NEK3: variants seen among roughly 807,000 people sequenced by gnomAD.
The protein encoded by NEK3 is NIMA related kinase 3.
In NEK3, 54 loss-of-function variants were observed where a neutral mutation model predicts 66.0. That is an observed-to-expected ratio of 0.82 (90% CI 0.66 to 1.03). The LOEUF (loss-of-function observed/expected upper bound fraction) is 1.03. Among genes scored for constraint, NEK3 ranks in the 50% least tolerant of loss-of-function variants. The pLI is 0.00. For synonymous variants in NEK3, 200 were observed against 206.2 expected (o/e 0.97, Z 0.26); for missense variants, 593 against 603.0 (o/e 0.98, Z 0.17).
intron 7 of NEK3, among the ~76,000 whole-genome samples, chr13:52,150,077 G>A (rs1956330199): frequency 6.6e-6 from 1 of 152,136 alleles, no homozygotes; most frequent in Non-Finnish European, 1.5e-5. Flanking sequence ...CTGTAGAGCT[G>A]TTTTGTCCCC....
intron 8 of NEK3, among the ~76,000 whole-genome samples, chr13:52,146,330 C>T (rs1956295581): frequency 6.7e-6 from 1 of 148,424 alleles, no homozygotes; most frequent in African/African-American, 2.4e-5. Context: ...CAACACATAA[C>T]AAAGGACAGA....
intron 2 of NEK3, 100 bp from the exon 3 acceptor site, chr13:52,154,273 G>T: frequency 2.8e-6 from 2 of 703,506 alleles, no homozygotes; most frequent in South Asian, 2.4e-5. Flanking sequence ...GCTAGATGCA[G>T]TTTTATAACA....
chr13:52,148,455 A>G lies in NEK3; in HGVS notation c.563T>C (p.Leu188Ser). The G allele has an allele frequency of 6.2e-7, 1 of 1,613,740 alleles. No individual in the cohort carries two copies. Among genetic ancestry groups the G allele is most frequent in the Non-Finnish European group, 8.5e-7 (1 of 1,179,746 alleles). Residue 188 changes from leucine (L) to serine (S), a missense_variant, in exon 8 of 16, where the codon TTG (leucine) becomes TCG (serine). By Grantham distance (145) the Leu-to-Ser change is moderately radical. Transcript: ENST00000610828. Reference sequence around the variant, plus strand: ...ACAGAGTTCATACAGGATGCAACCCAAGGACCAGATGTCACTGAAAGCATA... The same window carrying G: ...ACAGAGTTCATACAGGATGCAACCCGAGGACCAGATGTCACTGAAAGCATA... ...PYNNKSDIWS[L>S]GCILYELCTL... is the part of the protein sequence containing the mutation.
At chr13:52,144,278 T>C (rs1369634651) in intron 9 of NEK3, among the ~76,000 whole-genome samples, 4 of 152,082 alleles carry the variant, frequency 2.6e-5, no homozygotes, top group Non-Finnish European at 4.4e-5. Flanking sequence ...TAGCTGGACG[T>C]GGTGGCGTGT....
intron 9 of NEK3, among the ~76,000 whole-genome samples, chr13:52,144,458 A>G (rs1368961250): frequency 1.3e-5 from 2 of 152,226 alleles, no homozygotes; most frequent in Non-Finnish European, 2.9e-5. Context: ...AAATGCAGAC[A>G]TTTATATATG....
intron 8 of NEK3, 42 bp downstream of exon 8, chr13:52,148,373 G>T (rs1219814986): frequency 1.9e-6 from 3 of 1,581,854 alleles, no homozygotes; most frequent in Non-Finnish European, 2.6e-6. Context: ...GGCTCAGCTA[G>T]ATATGACAAG....
intron 8 of NEK3, among the ~76,000 whole-genome samples, chr13:52,145,884 A>G (rs566688310): frequency 2.6e-5 from 4 of 152,346 alleles, no homozygotes; most frequent in East Asian, 1.9e-4. Context: ...GCAAATCACC[A>G]TGGCACCCAT....
At chr13:52,134,483 C>T (rs1956185722) in intron 14 of NEK3, among the ~76,000 whole-genome samples, 1 of 152,016 alleles carries the variant, frequency 6.6e-6, no homozygotes, top group African/African-American at 2.4e-5. Flanking sequence ...CAAGTTTTCA[C>T]AATGGGGAGG....
At chr13:52,157,308 A>T (rs886575512) in intron 1 of NEK3, 2 of 152,204 alleles carry the variant, frequency 1.3e-5, no homozygotes, top group Non-Finnish European at 2.9e-5. Flanking sequence ...AATGAAATGG[A>T]ATAGAGTGGA....
intron 13 of NEK3, 88 bp from the exon 14 acceptor site, chr13:52,135,951 T>G: frequency 1.3e-6 from 2 of 1,527,410 alleles, no homozygotes; most frequent in Admixed American, 1.9e-5. Flanking sequence ...GCGAAGTTAG[T>G]TATATTTGAC....
rs529720216 is a variant in NEK3 at position 52,143,443 on chromosome 13, C to T, written c.877+472G>A. Among the ~76,000 whole-genome samples the T allele has an allele frequency of 2.0e-5, 3 of 152,208 alleles. No individual in the cohort carries two copies. In the South Asian group the frequency reaches 6.2e-4, roughly 32 times the overall value. Reference sequence around the variant, plus strand: ...TACTAACATGCCACACCATTACAGTCGATAAACCTACTCCGACGCATCACT... The same window carrying T: ...TACTAACATGCCACACCATTACAGTTGATAAACCTACTCCGACGCATCACT... On this transcript the variant is annotated intron_variant, in intron 10 of 15. Coordinates refer to ENST00000610828, the MANE Select transcript of NEK3 (RefSeq NM_002498.3).
chr13:52,148,509 C>A (rs182220828), intron 7 of NEK3, 40 bp from the exon 8 acceptor site: 1 of 1,567,094 alleles, frequency 6.4e-7, no homozygotes, highest in Non-Finnish European at 8.8e-7. Context: ...AAGCAGGTTA[C>A]GTATTTTCTA....
rs1307486635 is a variant in NEK3 at position 52,132,871 on chromosome 13, G to A, written c.*271C>T. Reference sequence around the variant, plus strand: ...CAATCACACAAGTAGGTAGTGGCACGCTAGCATCCCATTTCTGTTCTATGG... The same window carrying A: ...CAATCACACAAGTAGGTAGTGGCACACTAGCATCCCATTTCTGTTCTATGG... On this transcript the variant is annotated 3_prime_UTR_variant, in exon 16 of 16. Coordinates refer to ENST00000610828, the MANE Select transcript of NEK3 (RefSeq NM_002498.3). The A allele has an allele frequency of 8.6e-6, 3 of 350,402 alleles. No individual in the cohort carries two copies. Among genetic ancestry groups the A allele is most frequent in the South Asian group, 6.6e-5 (1 of 15,050 alleles). 21.7% of individuals were successfully genotyped at this position (350,402 alleles called of 1,614,324 possible). A position where few individuals can be genotyped will look rare whatever the true frequency, so the allele number is the denominator to read the frequency against.
chr13:52,135,827 C>T lies in NEK3; in HGVS notation c.1211G>A (p.Arg404His), dbSNP rs369092466. ...AGGGGTCTCTTTGAGCCACTGCTTA[C>T]GAGTAGTATTTTTGCTGTACTTTAT... Reference protein sequence around the residue: ...SVIKYSKNTTRKQWLKETPDT... With the variant: ...SVIKYSKNTTHKQWLKETPDT... The change falls in exon 14 of 16, where the codon CGT becomes CAT. Residue 404 changes from arginine (R) to histidine (H), a missense_variant. Physicochemically the swap from Arg to His is conservative, Grantham distance 29. Coordinates refer to ENST00000610828, the MANE Select transcript of NEK3 (RefSeq NM_002498.3). 30 of 1,613,372 alleles carry T rather than the reference C, an allele frequency of 1.9e-5. No homozygotes were observed. Among genetic ancestry groups the T allele is most frequent in the African/African-American group, 1.5e-4 (11 of 74,894 alleles).
intron 10 of NEK3, among the ~76,000 whole-genome samples, chr13:52,143,277 T>C (rs552611790): frequency 8.6e-5 from 13 of 151,770 alleles, no homozygotes; most frequent in African/African-American, 3.1e-4. Context: ...GATTGTGCCA[T>C]TGCACTCCAG....
chr13:52,143,938 T>C lies in NEK3; in HGVS notation c.854A>G (p.Lys285Arg). 1 of 1,501,836 alleles carries C rather than the reference T, an allele frequency of 6.7e-7. No individual in the cohort carries two copies. Among genetic ancestry groups the C allele is most frequent in the South Asian group, 1.2e-5 (1 of 81,092 alleles). 93.0% of individuals were successfully genotyped at this position (1,501,836 alleles called of 1,614,324 possible). Residue 285 changes from lysine to arginine, a missense_variant, in exon 10 of 16, where the codon AAG becomes AGG. Lys to Arg is a conservative substitution (Grantham distance 26, BLOSUM62 2). Transcript: ENST00000610828. ...ACTTTTTTTTCTTGGTGTGTTATGC[T>C]TCGAATTTTTTATTTCTTCTAATAC... ...EEVLEEIKNS[K>R]HNTPRKKTNP...
Position 52,152,705 on chromosome 13 carries a change from G to A in NEK3, c.310-13C>T. 1.9e-6 allele frequency: 3 copies of A among 1,571,180 alleles called. No individual in the cohort carries two copies. The highest frequency in any genetic ancestry group is 1.1e-5 in the South Asian group (1 of 88,222). On this transcript the variant is annotated splice_polypyrimidine_tract_variant and intron_variant, in intron 4 of 15. Coordinates refer to ENST00000610828, the MANE Select transcript of NEK3 (RefSeq NM_002498.3). ...ACCAATTAAGTATCTGTAAGAAAAA[G>A]GTATGCAAAATCTTCAAGAATGCAG...
chr13:52,139,393 T>C (rs1327826872), intron 11 of NEK3, among the ~76,000 whole-genome samples: 1 of 152,118 alleles, frequency 6.6e-6, no homozygotes, highest in African/African-American at 2.4e-5. Flanking sequence ...CTACCAGATT[T>C]GAGATTAGAG....
At chr13:52,137,974 T>C (rs1359869309) in intron 11 of NEK3, among the ~76,000 whole-genome samples, 3 of 152,256 alleles carry the variant, frequency 2.0e-5, no homozygotes, top group Admixed American at 2.0e-4. Flanking sequence ...CTATAGCGTG[T>C]GGGCACAGAT....
Sources: allele counts gnomAD v4.1 joint callset (sites outside exome capture counted in the v4.1 genomes callset), GRCh38; gene constraint gnomAD v4.1.1; transcripts MANE v1.5; gene names NCBI Gene and HGNC (gene_info 2026-07-23, HGNC 2026-07-21).